DYSF: variants seen among roughly 807,000 people sequenced by gnomAD.
DYSF encodes the protein dystrophy-associated fer-1-like 1.
In DYSF, 212 loss-of-function variants were observed where a neutral mutation model predicts 274.9. The observed-to-expected ratio is 0.77, with a 90% CI of 0.69 to 0.86. DYSF has a LOEUF of 0.86. Ranked by LOEUF, DYSF falls within the 40% of genes least tolerant of loss-of-function variation. The pLI, the probability that DYSF is intolerant of heterozygous loss-of-function variation, is 0.00. For missense variants in DYSF, 2,666 were observed against 2,783.2 expected (o/e 0.96, Z 0.95); for synonymous variants, 1,091 against 1,078.7 (o/e 1.01, Z -0.22).
intron 40 of DYSF, among the ~76,000 whole-genome samples, chr2:71,619,861 G>T (rs1272480877): frequency 6.6e-6 from 1 of 152,170 alleles, no homozygotes; most frequent in Non-Finnish European, 1.5e-5. Flanking sequence ...GAGCCCTGAG[G>T]CCCTCCTCAG....
At chr2:71,538,417 T>C (rs1160522025) in intron 16 of DYSF, among the ~76,000 whole-genome samples, 2 of 152,154 alleles carry the variant, frequency 1.3e-5, no homozygotes, top group East Asian at 3.9e-4. Context: ...AGTGTCCCCC[T>C]GGAAGCAGGC....
rs543593095 is a variant in DYSF at position 71,455,653 on chromosome 2, C to A, written c.88+1567C>A. Among the ~76,000 whole-genome samples, 7 of 152,268 alleles carry A rather than the reference C, an allele frequency of 4.6e-5. No homozygotes were observed. The South Asian group carries it at 1.4e-3, about 32-fold the overall frequency. On this transcript the variant is annotated intron_variant, in intron 1 of 54. Coordinates refer to the DYSF transcript ENST00000258104. ...GGGCACCATTCATACTGTAAATAGC[C>A]CCTTGGCGGAGGGGAGGGAGGACAG...
In DYSF at chr2:71,660,578, A is replaced by C; in HGVS notation, c.4930A>C (p.Ile1644Leu). The C allele has an allele frequency of 1.2e-6, 2 of 1,614,080 alleles. No individual in the cohort carries two copies. The highest frequency in any genetic ancestry group is 1.7e-6 in the Non-Finnish European group (2 of 1,179,950). Residue 1644 changes from isoleucine (I) to leucine (L), a missense_variant, in exon 45 of 56, where the codon ATC becomes CTC. Ile to Leu is a conservative substitution (Grantham distance 5). Transcript: ENST00000410020. The part of the protein sequence containing the change: ...PNGKCDPYIK[I>L]SIGKKSVSDQ... ...CCTCCAGTGTGATCCTTACATCAAG[A>C]TCTCCATAGGGAAGAAATCAGTGAG... is the stretch of plus-strand genomic sequence containing the variant.
chr2:71,574,262 AC>A lies in DYSF; in HGVS notation c.3295del (p.Leu1099SerfsTer39). ...EYASLFGWKF[H>X]LEYRKTDAFR... ...GCCTCTCTTTTTGGCTGGAAGTTCC[AC>A]CTCGAGTACCGCAAGACAGATGCCT... On this transcript the variant is annotated frameshift_variant, in exon 30 of 56. Coordinates refer to ENST00000410020, the MANE Select transcript of DYSF (RefSeq NM_001130987.2). LOFTEE classifies it high-confidence loss of function. 6.2e-7 allele frequency: 1 copy of A among 1,613,986 alleles called. No individual in the cohort carries two copies. Among genetic ancestry groups the A allele is most frequent in the African/African-American group, 1.3e-5 (1 of 75,036 alleles).
intron 24 of DYSF, among the ~76,000 whole-genome samples, chr2:71,565,296 G>A (rs532991347): frequency 6.9e-6 from 1 of 145,712 alleles, no homozygotes; most frequent in East Asian, 2.0e-4. Context: ...TCACCATGTT[G>A]GCCAGGCTGG....
chr2:71,682,416 C>T (rs1333171176), intron 54 of DYSF, 114 bp from the exon 55 acceptor site: 17 of 1,345,298 alleles, frequency 1.3e-5, no homozygotes, highest in South Asian at 2.3e-5. Flanking sequence ...CCTGGGCAGG[C>T]GCTGGGGGTG....
At chr2:71,506,250 C>T (rs2085460372) in intron 4 of DYSF, among the ~76,000 whole-genome samples, 1 of 152,156 alleles carries the variant, frequency 6.6e-6, no homozygotes, top group African/African-American at 2.4e-5. Flanking sequence ...AGCCTGACCA[C>T]ATAACCTGGA....
Position 71,643,949 on chromosome 2 carries a change from C to G in DYSF, c.4528-16C>G, listed in dbSNP as rs1295375286. ...GTCCTGTTTCTGAAATGGTCTCTTT[C>G]TTTCTACCCACTCAGGAGGAAGAGT... On this transcript the variant is annotated splice_polypyrimidine_tract_variant and intron_variant, in intron 41 of 55. Coordinates refer to ENST00000410020, the MANE Select transcript of DYSF (RefSeq NM_001130987.2). 4 of 1,595,698 alleles carry G rather than the reference C, an allele frequency of 2.5e-6. No individual in the cohort carries two copies. In the East Asian group the frequency reaches 8.9e-5, roughly 36 times the overall value.
intron 1 of DYSF, among the ~76,000 whole-genome samples, chr2:71,472,703 G>A (rs1361148276): frequency 6.6e-6 from 1 of 152,246 alleles, no homozygotes; most frequent in Non-Finnish European, 1.5e-5. Flanking sequence ...ACCGCGCCAA[G>A]CCAACACTTT....
chr2:71,642,233 A>G (rs764937039), intron 41 of DYSF, among the ~76,000 whole-genome samples: 1 of 152,204 alleles, frequency 6.6e-6, no homozygotes, highest in African/African-American at 2.4e-5. Flanking sequence ...GGGGAACTCA[A>G]CAGCTAAATT....
At chr2:71,653,648 T>C (rs936266717) in intron 42 of DYSF, among the ~76,000 whole-genome samples, 1 of 105,552 alleles carries the variant, frequency 9.5e-6, no homozygotes, top group Non-Finnish European at 1.8e-5. Context: ...CATCACACTC[T>C]GGGGCCTGTT....
At chr2:71,478,380 T>G (rs1410900952) in intron 1 of DYSF, among the ~76,000 whole-genome samples, 1 of 151,622 alleles carries the variant, frequency 6.6e-6, no homozygotes, top group Non-Finnish European at 1.5e-5. Flanking sequence ...CCCGGCTAAT[T>G]TTTTGTATTT....
chr2:71,504,735 TCC>T (rs2085320523), intron 4 of DYSF, among the ~76,000 whole-genome samples: 1 of 152,224 alleles, frequency 6.6e-6, no homozygotes, highest in East Asian at 1.9e-4. Flanking sequence ...CTCTGGTGTT[TCC>T]TGCCCTTCGG....
chr2:71,519,532 AT>A (rs2087005029), intron 10 of DYSF, among the ~76,000 whole-genome samples: 1 of 152,108 alleles, frequency 6.6e-6, no homozygotes. Context: ...CATCCCAATC[AT>A]CTGTGGATTT....
At chr2:71,464,120 G>T (rs188202477), upstream of DYSF, among the ~76,000 whole-genome samples, 3 of 152,292 alleles carry the variant, frequency 2.0e-5, no homozygotes, top group Non-Finnish European at 4.4e-5. Context: ...TGTAGATGTG[G>T]TTGCCACCCT....
At chr2:71,641,786 A>T (rs568106779) in intron 41 of DYSF, among the ~76,000 whole-genome samples, 1 of 152,230 alleles carries the variant, frequency 6.6e-6, no homozygotes, top group African/African-American at 2.4e-5. Flanking sequence ...ATGCCTTTAA[A>T]TTTCCAAAAG....
At chr2:71,466,640 G>A, upstream of DYSF, 2 of 1,303,244 alleles carry the variant, frequency 1.5e-6, no homozygotes, top group Non-Finnish European at 2.0e-6. Flanking sequence ...GGCCGGAGGG[G>A]GAGGGTCCGC....
At position 71,592,880 on chromosome 2, in the gene DYSF, G is replaced by T. The variant is rs185850063; in HGVS notation, c.3574+2592G>T. The stretch of plus-strand genomic sequence containing the variant: ...GTCGAATATTTGAGGAGATAGGCAG[G>T]GGTTGCCCAGAAAACACTTGTTGAA... On this transcript the variant is annotated intron_variant, in intron 32 of 55. Coordinates refer to ENST00000410020, the MANE Select transcript of DYSF (RefSeq NM_001130987.2). Among the ~76,000 whole-genome samples, 420 of 152,300 alleles carry T rather than the reference G, an allele frequency of 2.8e-3. 1 individual carries two copies. Among genetic ancestry groups the T allele is most frequent in the African/African-American group, 9.9e-3 (412 of 41,556 alleles).
At chr2:71,514,321 CAG>C (rs2086432224) in intron 7 of DYSF, among the ~76,000 whole-genome samples, 2 of 152,282 alleles carry the variant, frequency 1.3e-5, no homozygotes, top group Admixed American at 1.3e-4. Context: ...GTTAGACATG[CAG>C]AGTCTACTCA....
Sources: allele counts gnomAD v4.1 joint callset (sites outside exome capture counted in the v4.1 genomes callset), GRCh38; gene constraint gnomAD v4.1.1; transcripts MANE v1.5; gene names NCBI Gene and HGNC (gene_info 2026-07-23, HGNC 2026-07-21).